RBMS1: variants seen among roughly 807,000 people sequenced by gnomAD.
RBMS1 encodes RNA-binding motif, single-stranded-interacting protein 1.
In RBMS1, 17 loss-of-function variants were observed where a neutral mutation model predicts 62.3. The observed-to-expected ratio is 0.27, with a 90% CI of 0.19 to 0.41. RBMS1 has a LOEUF of 0.41. Among genes scored for constraint, RBMS1 ranks in the 10% least tolerant of loss-of-function variants. The pLI, the probability that RBMS1 is intolerant of heterozygous loss-of-function variation, is 1.00. For missense variants in RBMS1, 334 were observed against 504.5 expected (o/e 0.66, Z 3.24); for synonymous variants, 172 against 170.0 (o/e 1.01, Z -0.09).
chr2:160,476,756 G>A (rs533231038), intron 1 of RBMS1, among the ~76,000 whole-genome samples: 7 of 151,576 alleles, frequency 4.6e-5, no homozygotes, highest in African/African-American at 1.2e-4. Flanking sequence ...GGGTTTCACC[G>A]TTTTAGCCGG....
At chr2:160,383,453 T>TTGG (rs1553518102) in intron 1 of RBMS1, among the ~76,000 whole-genome samples, 3,637 of 74,814 alleles carry the variant, frequency 0.049, 220 homozygotes, top group African/African-American at 0.12. Flanking sequence ...AGACATGAAT[T>TTGG]GGGGGGGGGG....
At chr2:160,455,448 A>T (rs886660649) in intron 1 of RBMS1, among the ~76,000 whole-genome samples, 2 of 152,246 alleles carry the variant, frequency 1.3e-5, no homozygotes, top group African/African-American at 4.8e-5. Context: ...AGAAAGAAGA[A>T]GATAAATATA....
chr2:160,432,659 G>A (rs570941967), intron 1 of RBMS1, among the ~76,000 whole-genome samples: 15 of 152,306 alleles, frequency 9.8e-5, no homozygotes, highest in Admixed American at 9.8e-4. Context: ...TTGTCCAAAA[G>A]AAGTCTTTTC....
chr2:160,282,970 C>A (rs1688182443), intron 9 of RBMS1: 1 of 152,178 alleles, frequency 6.6e-6, no homozygotes, highest in Non-Finnish European at 1.5e-5. Flanking sequence ...TAGAGAAATA[C>A]AGAATGCCCA....
rs763510415 is a variant in RBMS1, at chr2:160,493,394, C to A, written c.-31G>T. 1.7e-5 allele frequency: 27 copies of A among 1,607,614 alleles called. No homozygotes were observed. Among genetic ancestry groups the A allele is most frequent in the Non-Finnish European group, 2.0e-5 (24 of 1,174,732 alleles). ...TGGAAGGGAGCCTGCCGTGCAGGGT[C>A]GCGGACACTTTGGGGTTTCCAAGTC... On this transcript the variant is annotated 5_prime_UTR_variant, in exon 1 of 14. Transcript: ENST00000348849.
chr2:160,340,639 T>G (rs1691818673), intron 2 of RBMS1, among the ~76,000 whole-genome samples: 2 of 151,950 alleles, frequency 1.3e-5, no homozygotes, highest in African/African-American at 2.4e-5. Flanking sequence ...ATATACAACT[T>G]ATAAAAGATG....
intron 2 of RBMS1, among the ~76,000 whole-genome samples, chr2:160,354,531 G>C (rs1009158701): frequency 6.6e-6 from 1 of 152,138 alleles, no homozygotes; most frequent in African/African-American, 2.4e-5. Context: ...AAGCATCAGT[G>C]CTCCTGTCCA....
At position 160,367,251 on chromosome 2, in the gene RBMS1, G is replaced by A. The variant is rs147917487; in HGVS notation, c.216C>T (p.His72=). ...TNLYIRGLPP[H]TTDQDLVKLC... ...GCTTCACCAGGTCCTGGTCGGTGGT[G>A]TGGGGAGGCAGTCCTCGGATATAGA... Residue 72 remains histidine, a synonymous_variant, in exon 2 of 14, where the codon CAC becomes CAT. Coordinates refer to ENST00000348849, the MANE Select transcript of RBMS1 (RefSeq NM_016836.4). 185 of 1,613,876 alleles carry A rather than the reference G, an allele frequency of 1.1e-4. No individual in the cohort carries two copies. In the African/African-American group the frequency reaches 2.0e-3, roughly 18 times the overall value.
At chr2:160,408,599 G>A (rs1215791029) in intron 1 of RBMS1, 1 of 152,192 alleles carries the variant, frequency 6.6e-6, no homozygotes, top group African/African-American at 2.4e-5. Context: ...CTGGAACAGT[G>A]TAATCCTTCC....
intron 1 of RBMS1, among the ~76,000 whole-genome samples, chr2:160,448,820 C>G (rs551195308): frequency 6.6e-6 from 1 of 151,528 alleles, no homozygotes; most frequent in Admixed American, 6.6e-5. Flanking sequence ...AGCGCCTCTT[C>G]CCGGCCGCCA....
intron 1 of RBMS1, among the ~76,000 whole-genome samples, chr2:160,458,466 C>T (rs903193776): frequency 6.6e-6 from 1 of 152,170 alleles, no homozygotes; most frequent in Non-Finnish European, 1.5e-5. Flanking sequence ...TTGTTGGTCA[C>T]ATCTTGGTTT....
intron 3 of RBMS1, among the ~76,000 whole-genome samples, chr2:160,313,625 C>G (rs1385730018): frequency 6.6e-6 from 1 of 151,800 alleles, no homozygotes; most frequent in Non-Finnish European, 1.5e-5. Context: ...TTTAATGATT[C>G]GGTAAGAAAG....
chr2:160,386,096 T>C (rs897931574), intron 1 of RBMS1, among the ~76,000 whole-genome samples: 1 of 152,260 alleles, frequency 6.6e-6, no homozygotes, highest in Non-Finnish European at 1.5e-5. Flanking sequence ...TTTATTAATA[T>C]AGGTAAAACT....
chr2:160,396,748 A>G (rs1573997895), intron 1 of RBMS1, among the ~76,000 whole-genome samples: 1 of 151,626 alleles, frequency 6.6e-6, no homozygotes, highest in Non-Finnish European at 1.5e-5. Context: ...TATTTTTAGT[A>G]GAGACGGGGT....
At position 160,493,476 on chromosome 2, in the gene RBMS1, G is replaced by A; in HGVS notation, c.-113C>T. The A allele has an allele frequency of 1.0e-5, 9 of 873,238 alleles. No homozygotes were observed. The highest frequency in any genetic ancestry group is 1.6e-5 in the Non-Finnish European group (9 of 547,224). The allele number at this position is 873,238 out of a possible 1,614,324, so 54.1% of individuals were successfully genotyped here. A position where few individuals can be genotyped will look rare whatever the true frequency, so the allele number is the denominator to read the frequency against. On this transcript the variant is annotated 5_prime_UTR_variant, in exon 1 of 14. Coordinates refer to ENST00000348849, the MANE Select transcript of RBMS1 (RefSeq NM_016836.4). ...CGGCGGCAGCGGCGGCGGCGGCGGC[G>A]GCTGCTGCTGCTGCCGCTGCTCCAC... is the stretch of plus-strand genomic sequence containing the variant.
intron 2 of RBMS1, among the ~76,000 whole-genome samples, chr2:160,363,237 G>A (rs2106019867): frequency 6.6e-6 from 1 of 152,272 alleles, no homozygotes; most frequent in Non-Finnish European, 1.5e-5. Context: ...TTTGTAGTCT[G>A]GGTGACAAAT....
intron 6 of RBMS1, among the ~76,000 whole-genome samples, chr2:160,297,165 T>C (rs1195901286): frequency 6.6e-6 from 1 of 152,198 alleles, no homozygotes; most frequent in Non-Finnish European, 1.5e-5. Context: ...ACAGATGCAT[T>C]ATGCCAGCTA....
chr2:160,488,310 T>G (rs971219083), intron 1 of RBMS1, among the ~76,000 whole-genome samples: 2 of 152,222 alleles, frequency 1.3e-5, no homozygotes, highest in African/African-American at 4.8e-5. Context: ...GCGCAGTGGC[T>G]CATGCCTGTA....
At chr2:160,369,182 A>C (rs1693589165) in intron 1 of RBMS1, among the ~76,000 whole-genome samples, 1 of 152,230 alleles carries the variant, frequency 6.6e-6, no homozygotes, top group African/African-American at 2.4e-5. Flanking sequence ...AAGCAGCCTG[A>C]GATCATATCC....
Sources: gnomAD v4.1 joint callset for allele counts (sites outside exome capture counted in the v4.1 genomes callset) on GRCh38, gnomAD v4.1.1 for gene constraint, MANE v1.5 for transcripts, NCBI Gene and HGNC (gene_info 2026-07-23, HGNC 2026-07-21) for gene names.